Variants in SYK observed in about 807,000 individuals in gnomAD.
SYK encodes the protein tyrosine-protein kinase SYK.
Under a neutral mutation model 77.8 loss-of-function variants are expected in SYK, and 16 were observed. The ratio of observed to expected loss-of-function variants is 0.21; its 90% CI spans 0.14 to 0.31. SYK has a LOEUF of 0.31. Among genes scored for constraint, SYK ranks in the 10% least tolerant of loss-of-function variants. The pLI, the probability that SYK is intolerant of heterozygous loss-of-function variation, is 1.00. For missense variants in SYK, 529 were observed against 814.4 expected, an observed-to-expected ratio of 0.65 and a Z score of 4.26; for synonymous variants, 312 against 308.7, an observed-to-expected ratio of 1.01 and a Z score of -0.11.
intron 7 of SYK, among the ~76,000 whole-genome samples, chr9:90,870,178 C>T (rs1458250149): frequency 6.6e-6 from 1 of 152,172 alleles, no homozygotes; most frequent in African/African-American, 2.4e-5. Flanking sequence ...CTTAAGAATA[C>T]AACTAGTAGT....
At chr9:90,864,463 A>G (rs573995332) in intron 4 of SYK, 126 bp from the exon 5 acceptor site, 1 of 767,308 alleles carries the variant, frequency 1.3e-6, no homozygotes, top group South Asian at 1.7e-5. Context: ...GGACTTAAGC[A>G]CATAAAAGCA....
At chr9:90,874,081 C>A (rs1456028874) in intron 7 of SYK, 123 bp from the exon 8 acceptor site, 4 of 809,340 alleles carry the variant, frequency 4.9e-6, no homozygotes, top group Non-Finnish European at 8.0e-6. Context: ...TTTCGTAATT[C>A]TTTCCTTTGT....
intron 1 of SYK, among the ~76,000 whole-genome samples, chr9:90,834,323 G>A (rs906549450): frequency 6.6e-6 from 1 of 151,706 alleles, no homozygotes; most frequent in African/African-American, 2.4e-5. Context: ...CACTTGAGAG[G>A]GTCCAGTTGC....
At chr9:90,817,644 G>A (rs1192869644) in intron 1 of SYK, among the ~76,000 whole-genome samples, 1 of 152,102 alleles carries the variant, frequency 6.6e-6, no homozygotes, top group Non-Finnish European at 1.5e-5. Flanking sequence ...ATCTGTGTGT[G>A]TGGACATGCC....
At chr9:90,814,636 G>C (rs901113029) in intron 1 of SYK, among the ~76,000 whole-genome samples, 1 of 152,112 alleles carries the variant, frequency 6.6e-6, no homozygotes, top group Non-Finnish European at 1.5e-5. Context: ...CTAAGTGCAC[G>C]GTAACACTCG....
intron 11 of SYK, among the ~76,000 whole-genome samples, chr9:90,881,143 G>A (rs1828135368): frequency 6.6e-6 from 1 of 152,194 alleles, no homozygotes; most frequent in Non-Finnish European, 1.5e-5. Context: ...TTGAGGAGAA[G>A]TGTCAAAGAG....
chr9:90,825,272 ATGT>A (rs1825634532), intron 1 of SYK, among the ~76,000 whole-genome samples: 1 of 152,228 alleles, frequency 6.6e-6, no homozygotes. Context: ...GGAAGACTCA[ATGT>A]TGTTAAAATG....
intron 1 of SYK, among the ~76,000 whole-genome samples, chr9:90,813,518 C>T (rs1279033330): frequency 1.3e-5 from 2 of 152,152 alleles, no homozygotes; most frequent in African/African-American, 4.8e-5. Context: ...GTCTAGATTC[C>T]ATCCTTCACT....
chr9:90,864,907 G>A (rs1827419467), intron 5 of SYK, 141 bp from the exon 6 acceptor site: 3 of 855,478 alleles, frequency 3.5e-6, no homozygotes, highest in African/African-American at 1.7e-5. Context: ...GTAAAAGAGG[G>A]TCGAAAGAAG....
At chr9:90,888,716 C>A in intron 13 of SYK, 89 bp downstream of exon 13, 1 of 1,028,074 alleles carries the variant, frequency 9.7e-7, no homozygotes, top group Non-Finnish European at 1.4e-6. Context: ...TAAAGTTCAC[C>A]TTTTCATGAA....
rs189965276 is a variant in SYK, at chr9:90,898,284, C to T, written c.*2684C>T. 4 of 229,802 alleles carry T rather than the reference C, an allele frequency of 1.7e-5. No individual in the cohort carries two copies. Among genetic ancestry groups the T allele is most frequent in the African/African-American group, 4.4e-5 (2 of 45,130 alleles). 14.2% of individuals were successfully genotyped at this position (229,802 alleles called of 1,614,324 possible). On this transcript the variant is annotated 3_prime_UTR_variant, in exon 14 of 14. Transcript: ENST00000375754. ...CGTTGCATGCATGTTTTCATCTGAG[C>T]GTGTCCTTCTCCCATACTCCCTATC...
rs1828049852 is a variant in SYK, at chr9:90,879,034, T to C, written c.1581+81T>C. On this transcript the variant is annotated intron_variant, in intron 11 of 13. Coordinates refer to ENST00000375754, the MANE Select transcript of SYK (RefSeq NM_003177.7). ...ATGTACGTTTTCTTTATTTTATTAT[T>C]GGTATGGTTTCAAAAAGCAGTTTTG... 9 of 1,126,622 alleles carry C rather than the reference T, an allele frequency of 8.0e-6. No homozygotes were observed. In the Admixed American group the frequency reaches 1.8e-4, roughly 23 times the overall value. The allele number at this position is 1,126,622 out of a possible 1,614,324, so 69.8% of individuals were successfully genotyped here.
intron 3 of SYK, among the ~76,000 whole-genome samples, chr9:90,848,348 C>T (rs76916427): frequency 0.035 from 5,331 of 152,300 alleles, 305 homozygotes; most frequent in African/African-American, 0.12. Flanking sequence ...AGTGTGAGTG[C>T]GTCAGCTCCT....
chr9:90,801,665 C>T (rs1290997345), upstream of SYK: 1 of 152,284 alleles, frequency 6.6e-6, no homozygotes, highest in African/African-American at 2.4e-5. Context: ...GCGCTTCAGC[C>T]GATTCCCGCC....
rs535058819 is a variant in SYK, at chr9:90,897,918, T to C, written c.*2318T>C. 4.4e-6 allele frequency: 1 copy of C among 226,376 alleles called. No individual in the cohort carries two copies. The highest frequency in any genetic ancestry group is 1.8e-4 in the South Asian group (1 of 5,468). The allele number at this position is 226,376 out of a possible 1,614,324, so 14.0% of individuals were successfully genotyped here. On this transcript the variant is annotated 3_prime_UTR_variant, in exon 14 of 14. Transcript: ENST00000375754. ...CCCTGTAGCCACCAAGGAGGGCAAATAGAGAAAGGTAACCTAATTGAAGGA... is the reference window on the plus strand; with the variant it reads ...CCCTGTAGCCACCAAGGAGGGCAAACAGAGAAAGGTAACCTAATTGAAGGA...
At chr9:90,855,716 G>GAGAC (rs898568926) in intron 3 of SYK, among the ~76,000 whole-genome samples, 1 of 151,414 alleles carries the variant, frequency 6.6e-6, no homozygotes, top group African/African-American at 2.4e-5. Context: ...GAGAGAGAGA[G>GAGAC]AGACAGACAG....
chr9:90,884,789 GCACATATACACATA>G (rs1587918029), intron 11 of SYK, among the ~76,000 whole-genome samples: 10 of 22,974 alleles, frequency 4.4e-4, no homozygotes, highest in South Asian at 3.1e-3. Flanking sequence ...ATGTGTACAT[GCACATATACACATA>G]TGTGTACATA....
chr9:90,816,238 T>G (rs756593261), intron 1 of SYK, among the ~76,000 whole-genome samples: 1 of 152,198 alleles, frequency 6.6e-6, no homozygotes, highest in Non-Finnish European at 1.5e-5. Flanking sequence ...CATCTAGATG[T>G]GTCCCAAGCA....
chr9:90,877,528 G>A, intron 9 of SYK, 43 bp from the exon 10 acceptor site: 1 of 1,599,574 alleles, frequency 6.3e-7, no homozygotes, highest in South Asian at 1.1e-5. Flanking sequence ...CTAGAAGTGA[G>A]GCATTTTGGA....
Sources: allele counts gnomAD v4.1 joint callset (sites outside exome capture counted in the v4.1 genomes callset), GRCh38; gene constraint gnomAD v4.1.1; transcripts MANE v1.5; gene names NCBI Gene and HGNC (gene_info 2026-07-23, HGNC 2026-07-21).